The following TBC1D5 variants were observed in gnomAD, a reference collection of about 807,000 sequenced individuals.
The protein encoded by TBC1D5 is TBC1 domain family member 5.
A neutral mutation model predicts 100.3 loss-of-function variants in TBC1D5; 75 were observed. The ratio of observed to expected loss-of-function variants is 0.75; its 90% CI spans 0.62 to 0.91. TBC1D5 has a LOEUF of 0.91. TBC1D5 is among the 40% of genes least tolerant of loss of function. TBC1D5 has a pLI of 0.00. For synonymous variants in TBC1D5, 323 were observed against 325.6 expected, an observed-to-expected ratio of 0.99 and a Z score of 0.09; for missense variants, 910 against 942.4, an observed-to-expected ratio of 0.97 and a Z score of 0.45.
At chr3:17,369,343 A>C (rs1575560344) in intron 13 of TBC1D5, among the ~76,000 whole-genome samples, 2 of 152,314 alleles carry the variant, frequency 1.3e-5, no homozygotes, top group Admixed American at 1.3e-4. Context: ...AATAATGATA[A>C]TAAAGGCATG....
intron 1 of TBC1D5, among the ~76,000 whole-genome samples, chr3:17,653,787 C>T (rs2153724918): frequency 6.6e-6 from 1 of 152,016 alleles, no homozygotes; most frequent in African/African-American, 2.4e-5. Context: ...ACTATTTCTG[C>T]AACTCTTAAA....
At chr3:17,597,874 C>G (rs1330333944) in intron 2 of TBC1D5, among the ~76,000 whole-genome samples, 1 of 152,084 alleles carries the variant, frequency 6.6e-6, no homozygotes, top group Non-Finnish European at 1.5e-5. Context: ...AACATTGTAT[C>G]TTCCCGTATT....
chr3:17,227,265 A>C (rs932194441), intron 17 of TBC1D5, among the ~76,000 whole-genome samples: 1 of 152,182 alleles, frequency 6.6e-6, no homozygotes, highest in African/African-American at 2.4e-5. Context: ...CTAGTGGAGA[A>C]CACAGTATTT....
At chr3:17,560,619 T>TA (rs58882081) in intron 2 of TBC1D5, among the ~76,000 whole-genome samples, 22 of 110,310 alleles carry the variant, frequency 2.0e-4, no homozygotes, top group South Asian at 3.1e-4. Flanking sequence ...ACCTTGTCTT[T>TA]AAAAAAAAAA....
At chr3:17,660,176 TTC>T (rs1369297789) in intron 1 of TBC1D5, among the ~76,000 whole-genome samples, 2 of 152,190 alleles carry the variant, frequency 1.3e-5, no homozygotes, top group Non-Finnish European at 2.9e-5. Context: ...TGATTTTCAT[TTC>T]TGTGTTCTGT....
intron 13 of TBC1D5, among the ~76,000 whole-genome samples, chr3:17,327,046 A>G (rs1168033954): frequency 1.3e-5 from 2 of 152,188 alleles, no homozygotes; most frequent in Non-Finnish European, 2.9e-5. Flanking sequence ...TGATACCAAC[A>G]TTATTAACAC....
At position 17,169,566 on chromosome 3, in the gene TBC1D5, T is replaced by C. The variant is rs547435298; in HGVS notation, c.1853-1738A>G. ...GAAAACTTGACTGTAGTTTTGGCTA[T>C]TAGAATGGCCTGCTCCAAAACAAGA... On this transcript the variant is annotated intron_variant, in intron 19 of 21. Transcript: ENST00000253692. Among the ~76,000 whole-genome samples, 6 of 152,340 alleles carry C rather than the reference T, an allele frequency of 3.9e-5. No individual in the cohort carries two copies. In the South Asian group the frequency reaches 1.2e-3, roughly 32 times the overall value.
chr3:17,374,425 T>C, intron 12 of TBC1D5, 46 bp downstream of exon 12: 8 of 1,546,960 alleles, frequency 5.2e-6, no homozygotes, highest in Non-Finnish European at 7.0e-6. Context: ...ATTGAAAGCA[T>C]TTGCTCCATA....
intron 1 of TBC1D5, among the ~76,000 whole-genome samples, chr3:17,698,610 T>C (rs1339117223): frequency 8.2e-5 from 12 of 146,016 alleles, no homozygotes; most frequent in South Asian, 6.8e-4. Flanking sequence ...ACAGGCAACC[T>C]ACAAAATGGG....
At chr3:17,170,600 C>T (rs562175705) in intron 19 of TBC1D5, among the ~76,000 whole-genome samples, 70 of 152,224 alleles carry the variant, frequency 4.6e-4, no homozygotes, top group African/African-American at 1.6e-3. Flanking sequence ...AAGGTAATGG[C>T]GGGGCCCATG....
At chr3:17,517,413 T>C (rs1576468718) in intron 2 of TBC1D5, among the ~76,000 whole-genome samples, 1 of 152,328 alleles carries the variant, frequency 6.6e-6, no homozygotes, top group South Asian at 2.1e-4. Flanking sequence ...AGGAAATTTC[T>C]GAGAAGCAAG....
chr3:17,710,639 C>G (rs967852332), intron 1 of TBC1D5, among the ~76,000 whole-genome samples: 1 of 151,594 alleles, frequency 6.6e-6, no homozygotes, highest in African/African-American at 2.4e-5. Context: ...CGACTTGATA[C>G]GATAAGAGGA....
intron 2 of TBC1D5, among the ~76,000 whole-genome samples, chr3:17,582,683 C>CAAA (rs141006663): frequency 2.4e-5 from 2 of 82,036 alleles, no homozygotes; most frequent in African/African-American, 7.5e-5. Flanking sequence ...AGTATGCTAT[C>CAAA]AAAAAAAAAA....
intron 2 of TBC1D5, among the ~76,000 whole-genome samples, chr3:17,620,113 CTAAG>C (rs1247766552): frequency 3.9e-5 from 6 of 152,294 alleles, no homozygotes; most frequent in Admixed American, 3.3e-4. Context: ...TCTAATAAAA[CTAAG>C]TAAGTATTTG....
At chr3:17,251,308 T>C (rs1364727540) in intron 16 of TBC1D5, among the ~76,000 whole-genome samples, 2 of 152,150 alleles carry the variant, frequency 1.3e-5, no homozygotes, top group East Asian at 1.9e-4. Flanking sequence ...TTAGCCATAA[T>C]TGGCCTTGCT....
chr3:17,283,839 C>T (rs1205341107), intron 15 of TBC1D5, among the ~76,000 whole-genome samples: 2 of 152,124 alleles, frequency 1.3e-5, no homozygotes, highest in Non-Finnish European at 2.9e-5. Flanking sequence ...CTCTCAGGCA[C>T]GTTCCCCTGG....
chr3:17,366,250 C>A (rs1270544028), intron 13 of TBC1D5, among the ~76,000 whole-genome samples: 2 of 152,020 alleles, frequency 1.3e-5, no homozygotes, highest in Admixed American at 6.6e-5. Flanking sequence ...TGAGATCACA[C>A]CGCTGCGCTC....
chr3:17,276,646 A>C (rs891880912), intron 15 of TBC1D5, among the ~76,000 whole-genome samples: 1 of 152,172 alleles, frequency 6.6e-6, no homozygotes, highest in Non-Finnish European at 1.5e-5. Context: ...TTTTTCCCTT[A>C]GAGAGAGCCA....
chr3:17,253,228 A>C (rs954089766), intron 16 of TBC1D5, among the ~76,000 whole-genome samples: 1 of 152,198 alleles, frequency 6.6e-6, no homozygotes, highest in African/African-American at 2.4e-5. Context: ...ATATGCTAAT[A>C]ATGTTCTCCA....
Sources: allele counts gnomAD v4.1 joint callset (sites outside exome capture counted in the v4.1 genomes callset), GRCh38; gene constraint gnomAD v4.1.1; transcripts MANE v1.5; gene names NCBI Gene and HGNC (gene_info 2026-07-23, HGNC 2026-07-21).